The following GLT8D2 variants were observed in gnomAD, a reference collection of about 807,000 sequenced individuals.
GLT8D2 encodes glycosyltransferase 8 domain-containing protein 2.
GLT8D2 carries 45 observed loss-of-function variants against 44.5 expected under a neutral mutation model. That is an observed-to-expected ratio of 1.01 (90% CI 0.80 to 1.30). GLT8D2 has a LOEUF of 1.30. Ranked by LOEUF, GLT8D2 falls within the 50% of genes most tolerant of loss-of-function variation. The probability of loss-of-function intolerance (pLI) is 0.00; values close to 1 mark genes in which losing one functional copy is unlikely to be tolerated. For missense variants in GLT8D2, 400 were observed against 430.4 expected, an observed-to-expected ratio of 0.93 and a Z score of 0.62; for synonymous variants, 156 against 157.2, an observed-to-expected ratio of 0.99 and a Z score of 0.06.
At chr12:104,048,280 AG>A (rs1881381370) in intron 1 of GLT8D2, among the ~76,000 whole-genome samples, 1 of 152,218 alleles carries the variant, frequency 6.6e-6, no homozygotes, top group Admixed American at 6.5e-5. Flanking sequence ...TTATGTGATA[AG>A]GTGGTTCAGC....
intron 1 of GLT8D2, among the ~76,000 whole-genome samples, chr12:104,037,630 C>T (rs1880055613): frequency 6.6e-6 from 1 of 152,086 alleles, no homozygotes; most frequent in Non-Finnish European, 1.5e-5. Flanking sequence ...CAATAACAGG[C>T]TCTGAAATTG....
At chr12:103,990,845 A>G (rs1008695439) in intron 10 of GLT8D2, among the ~76,000 whole-genome samples, 1 of 152,084 alleles carries the variant, frequency 6.6e-6, no homozygotes, top group Admixed American at 6.6e-5. Flanking sequence ...GGACATCCTC[A>G]CCTCTCAGCT....
intron 1 of GLT8D2, among the ~76,000 whole-genome samples, chr12:104,044,454 T>C (rs1321649648): frequency 6.6e-6 from 1 of 152,238 alleles, no homozygotes; most frequent in African/African-American, 2.4e-5. Context: ...AAAACATTTA[T>C]GGACCAAAGG....
upstream of GLT8D2, among the ~76,000 whole-genome samples, chr12:104,051,057 C>T (rs1161894356): frequency 6.6e-6 from 1 of 151,972 alleles, no homozygotes; most frequent in African/African-American, 2.4e-5. Flanking sequence ...TCAGGTGATC[C>T]GCCGCCTCAG....
intron 4 of GLT8D2, among the ~76,000 whole-genome samples, chr12:104,013,360 A>G (rs1050343888): frequency 1.3e-5 from 2 of 152,134 alleles, no homozygotes; most frequent in African/African-American, 2.4e-5. Flanking sequence ...AGGTTCATCC[A>G]TATTGCAGCT....
rs1385638522 is a variant in GLT8D2, at chr12:103,989,425, G to A, written c.1033C>T (p.Leu345Phe). 2 of 1,610,792 alleles carry A rather than the reference G, an allele frequency of 1.2e-6. No homozygotes were observed. Among genetic ancestry groups the A allele is most frequent in the Non-Finnish European group, 1.7e-6 (2 of 1,178,870 alleles). ...FVPDPAGIFK[L>F]NHHS ...GAGTTATATCAGCTATGGTGATTGA[G>A]TTTAAATATCCCTGCAGGGTCAGGA... The change falls in exon 11 of 11, where the codon CTC becomes TTC. Residue 345 changes from leucine to phenylalanine, a missense_variant. Leu to Phe is a conservative substitution (Grantham distance 22). Transcript: ENST00000360814.
chr12:104,051,436 CTTTGT>C (rs1262355807), upstream of GLT8D2, among the ~76,000 whole-genome samples: 6 of 151,984 alleles, frequency 3.9e-5, no homozygotes, highest in African/African-American at 2.4e-5. Flanking sequence ...GTTTTATGTT[CTTTGT>C]TTTGTCTTTA....
chr12:103,995,166 A>G (rs985169833), intron 8 of GLT8D2, among the ~76,000 whole-genome samples: 7 of 152,082 alleles, frequency 4.6e-5, no homozygotes, highest in African/African-American at 1.7e-4. Context: ...AGTTCCTCCT[A>G]ACCAGTATCC....
chr12:104,016,831 A>AAAGAAAGAAAGAAAG (rs1360961375), intron 3 of GLT8D2, among the ~76,000 whole-genome samples: 2 of 103,544 alleles, frequency 1.9e-5, no homozygotes, highest in African/African-American at 8.0e-5. Flanking sequence ...GAAAGAAAAG[A>AAAGAAAGAAAGAAAG]AAGAAAGAAA....
chr12:104,053,393 C>G (rs1267701419), upstream of GLT8D2, among the ~76,000 whole-genome samples: 1 of 152,128 alleles, frequency 6.6e-6, no homozygotes, highest in Non-Finnish European at 1.5e-5. Flanking sequence ...AGAAAAGAAA[C>G]AGAGGATATG....
chr12:104,019,420 G>A (rs1376409602), intron 3 of GLT8D2, among the ~76,000 whole-genome samples: 8 of 152,008 alleles, frequency 5.3e-5, no homozygotes, highest in South Asian at 2.1e-4. Flanking sequence ...GAGCCAGTGC[G>A]CCCAGCCGAT....
chr12:104,009,448 AG>A (rs1246770104), intron 4 of GLT8D2, among the ~76,000 whole-genome samples: 1 of 152,212 alleles, frequency 6.6e-6, no homozygotes, highest in Non-Finnish European at 1.5e-5. Flanking sequence ...CACTGTATCT[AG>A]GAAGAGGAAG....
chr12:104,025,005 G>C (rs1878380089), intron 1 of GLT8D2, among the ~76,000 whole-genome samples: 1 of 149,836 alleles, frequency 6.7e-6, no homozygotes. Context: ...GGGAGGTGGA[G>C]GTTGCAGTGA....
intron 1 of GLT8D2, among the ~76,000 whole-genome samples, chr12:104,047,294 C>T (rs1354143691): frequency 7.0e-6 from 1 of 143,166 alleles, no homozygotes; most frequent in Non-Finnish European, 1.5e-5. Context: ...GGTGAACCAG[C>T]TCTCTTAGGC....
rs1038314406 is a variant in GLT8D2, at chr12:103,994,431, C to T, written c.671G>A (p.Cys224Tyr). Reference protein sequence around the residue: ...IKDLGISPSTCSFNPGVIVAN... With the variant: ...IKDLGISPSTYSFNPGVIVAN... ...AACAATCACACCAGGATTGAAAGAG[C>T]AGGTGCTGGGGCTGATGCCAAGGTC... Residue 224 changes from cysteine to tyrosine, a missense_variant, in exon 9 of 11, where the codon TGC becomes TAC. Physicochemically the swap from Cys to Tyr is radical, Grantham distance 194. Transcript: ENST00000360814. 6.2e-7 allele frequency: 1 copy of T among 1,614,070 alleles called. No individual in the cohort carries two copies. The highest frequency in any genetic ancestry group is 8.5e-7 in the Non-Finnish European group (1 of 1,179,954).
intron 1 of GLT8D2, among the ~76,000 whole-genome samples, chr12:104,033,542 C>T (rs528212943): frequency 2.0e-5 from 3 of 152,034 alleles, no homozygotes; most frequent in South Asian, 2.1e-4. Flanking sequence ...ACAAGCTTGC[C>T]GTTATAAGAT....
At chr12:104,003,679 C>T (rs566287723) in intron 4 of GLT8D2, among the ~76,000 whole-genome samples, 2 of 152,206 alleles carry the variant, frequency 1.3e-5, no homozygotes, top group East Asian at 3.9e-4. Flanking sequence ...TTAGAGTTGC[C>T]AGCTTAGACC....
At chr12:104,016,678 G>C (rs1203990731) in intron 3 of GLT8D2, among the ~76,000 whole-genome samples, 1 of 82,592 alleles carries the variant, frequency 1.2e-5, no homozygotes, top group African/African-American at 3.6e-5. Flanking sequence ...GAGAGAGAGA[G>C]AAAGAAAAGA....
chr12:104,003,587 G>T (rs1004674264), intron 4 of GLT8D2, among the ~76,000 whole-genome samples: 2 of 152,132 alleles, frequency 1.3e-5, no homozygotes, highest in Admixed American at 6.5e-5. Context: ...CCACTGCTGG[G>T]TCTACCCTTC....
Sources: allele counts gnomAD v4.1 joint callset (sites outside exome capture counted in the v4.1 genomes callset), GRCh38; gene constraint gnomAD v4.1.1; transcripts MANE v1.5; gene names NCBI Gene and HGNC (gene_info 2026-07-23, HGNC 2026-07-21).